NDRG3: variants seen among roughly 807,000 people sequenced by gnomAD.
NDRG3 encodes NDRG family member 3, also known as protein NDRG3.
In NDRG3, 23 loss-of-function variants were observed where a neutral mutation model predicts 57.2. That is an observed-to-expected ratio of 0.40 (90% confidence interval 0.29 to 0.57). The LOEUF (loss-of-function observed/expected upper bound fraction) is 0.57, where lower values mean the gene tolerates loss of function less well. Ranked by LOEUF, NDRG3 falls within the 20% of genes least tolerant of loss-of-function variation. The pLI is 0.42. For synonymous variants in NDRG3, 132 were observed against 162.6 expected (o/e 0.81, Z 1.43); for missense variants, 384 against 457.3 (o/e 0.84, Z 1.46).
intron 3 of NDRG3, among the ~76,000 whole-genome samples, chr20:36,689,095 A>G (rs920608939): frequency 6.6e-6 from 1 of 152,098 alleles, no homozygotes; most frequent in Non-Finnish European, 1.5e-5. Flanking sequence ...TCAGGAGGCT[A>G]AGGCTGGAGA....
intron 1 of NDRG3, among the ~76,000 whole-genome samples, chr20:36,733,358 C>T (rs1057072054): frequency 5.9e-5 from 9 of 151,704 alleles, no homozygotes; most frequent in African/African-American, 1.7e-4. Flanking sequence ...GACACCAGGC[C>T]GCTAGCTAGT....
intron 9 of NDRG3, chr20:36,668,509 G>A (rs1979830132): frequency 6.6e-6 from 1 of 152,028 alleles, no homozygotes; most frequent in South Asian, 2.1e-4. Flanking sequence ...ATTAATACAA[G>A]CATTAACTTG....
At chr20:36,740,102 C>T (rs1172130287) in intron 1 of NDRG3, among the ~76,000 whole-genome samples, 3 of 151,988 alleles carry the variant, frequency 2.0e-5, no homozygotes, top group Non-Finnish European at 2.9e-5. Context: ...TGGCGGAAAC[C>T]ACCACTGTAC....
chr20:36,722,040 C>T (rs537319320), intron 1 of NDRG3, among the ~76,000 whole-genome samples: 3 of 152,148 alleles, frequency 2.0e-5, no homozygotes, highest in South Asian at 2.1e-4. Context: ...CATTAGAATA[C>T]GGCAAAAGTG....
intron 2 of NDRG3, among the ~76,000 whole-genome samples, chr20:36,717,251 G>C (rs1210504126): frequency 6.6e-6 from 1 of 152,134 alleles, no homozygotes; most frequent in African/African-American, 2.4e-5. Context: ...AATGACAAGA[G>C]ACAACATAAG....
At chr20:36,677,253 C>G (rs1472431736) in intron 8 of NDRG3, among the ~76,000 whole-genome samples, 1 of 152,212 alleles carries the variant, frequency 6.6e-6, no homozygotes, top group Non-Finnish European at 1.5e-5. Flanking sequence ...CCCTCCAAGC[C>G]CCGGGGCCAT....
At chr20:36,668,161 G>C (rs1353572548) in intron 9 of NDRG3, among the ~76,000 whole-genome samples, 1 of 152,206 alleles carries the variant, frequency 6.6e-6, no homozygotes, top group African/African-American at 2.4e-5. Flanking sequence ...AGGATGGCTT[G>C]AGCCCAGGAG....
Position 36,653,759 on chromosome 20 carries a change from T to C in NDRG3, c.947-58A>G. 2 of 1,506,178 alleles carry C rather than the reference T, an allele frequency of 1.3e-6. No homozygotes were observed. Among genetic ancestry groups the C allele is most frequent in the South Asian group, 1.2e-5 (1 of 85,576 alleles). The allele number at this position is 1,506,178 out of a possible 1,614,324, so 93.3% of individuals were successfully genotyped here. ...AAGCCCCGGTTAAGCCCAGCTAACCTAGGAGTCTCATCAAAGTCTTTATGT... is the reference window on the plus strand; with the variant it reads ...AAGCCCCGGTTAAGCCCAGCTAACCCAGGAGTCTCATCAAAGTCTTTATGT... On this transcript the variant is annotated intron_variant, in intron 15 of 15. Coordinates refer to ENST00000349004, the MANE Select transcript of NDRG3 (RefSeq NM_032013.4). The surrounding 1 kb of genome is among the most constrained non-coding windows in gnomAD (Gnocchi z 4.2).
intron 3 of NDRG3, chr20:36,700,593 T>TA (rs986622317): frequency 4.5e-6 from 2 of 442,598 alleles, no homozygotes; most frequent in Non-Finnish European, 9.1e-6. Flanking sequence ...CTTTTTGTCT[T>TA]AGTCAATTAT....
chr20:36,729,984 C>T (rs763547505), intron 1 of NDRG3, among the ~76,000 whole-genome samples: 2 of 151,764 alleles, frequency 1.3e-5, no homozygotes, highest in Non-Finnish European at 2.9e-5. Context: ...CGGTGGCTCA[C>T]GCCTGTAATC....
At chr20:36,722,726 A>G (rs1329310122) in intron 1 of NDRG3, among the ~76,000 whole-genome samples, 1 of 152,210 alleles carries the variant, frequency 6.6e-6, no homozygotes, top group African/African-American at 2.4e-5. Flanking sequence ...GTCAGCTCCA[A>G]GATGGCCTTC....
At chr20:36,656,718 A>G (rs1012057776) in intron 13 of NDRG3, among the ~76,000 whole-genome samples, 186 bp from the exon 14 acceptor site, 2 of 152,244 alleles carry the variant, frequency 1.3e-5, no homozygotes, top group Non-Finnish European at 2.9e-5. Context: ...AATAATTATT[A>G]CATACTTATT....
intron 15 of NDRG3, chr20:36,654,836 G>A (rs756735827): frequency 1.8e-5 from 14 of 779,660 alleles, no homozygotes; most frequent in African/African-American, 6.8e-5. Context: ...CTGCACATAC[G>A]GGACTGGAAG....
intron 3 of NDRG3, among the ~76,000 whole-genome samples, chr20:36,705,728 C>T (rs746326766): frequency 1.3e-5 from 2 of 151,898 alleles, no homozygotes; most frequent in Non-Finnish European, 2.9e-5. Flanking sequence ...TTTCTTACTC[C>T]CATGTTTTCT....
At chr20:36,699,706 G>A (rs1756501855) in intron 3 of NDRG3, among the ~76,000 whole-genome samples, 1 of 152,076 alleles carries the variant, frequency 6.6e-6, no homozygotes, top group Non-Finnish European at 1.5e-5. Context: ...GTGTGTGTGT[G>A]TGTGTGTGGG....
intron 8 of NDRG3, among the ~76,000 whole-genome samples, chr20:36,677,696 G>A (rs976009168): frequency 4.6e-5 from 7 of 152,130 alleles, no homozygotes; most frequent in African/African-American, 1.7e-4. Context: ...GCCTCCTGTC[G>A]GCAAAGAGCT....
intron 2 of NDRG3, among the ~76,000 whole-genome samples, chr20:36,707,709 G>A (rs999723255): frequency 2.0e-5 from 3 of 152,088 alleles, no homozygotes; most frequent in African/African-American, 7.2e-5. Context: ...AATAATGACT[G>A]ATTGAGGAAA....
chr20:36,675,221 G>A (rs539023976), intron 8 of NDRG3, among the ~76,000 whole-genome samples: 6 of 151,112 alleles, frequency 4.0e-5, no homozygotes, highest in South Asian at 2.1e-4. Flanking sequence ...CACCAGGCCC[G>A]GGTAATTTTT....
chr20:36,716,582 A>G (rs1353118526), intron 2 of NDRG3, among the ~76,000 whole-genome samples: 1 of 151,468 alleles, frequency 6.6e-6, no homozygotes, highest in Non-Finnish European at 1.5e-5. Flanking sequence ...AACAACCAAA[A>G]CAAAGTATAT....
Sources: gnomAD v4.1 joint callset for allele counts (sites outside exome capture counted in the v4.1 genomes callset) on GRCh38, gnomAD v4.1.1 for gene constraint, Gnocchi (gnomAD v3.1) non-coding constraint, MANE v1.5 for transcripts, NCBI Gene and HGNC (gene_info 2026-07-23, HGNC 2026-07-21) for gene names.